The following ZNF571 variants were observed in gnomAD, a reference collection of about 807,000 sequenced individuals.
ZNF571 encodes zinc finger protein 571.
Under a neutral mutation model 7.7 loss-of-function variants are expected in ZNF571, and 4 were observed. That is an observed-to-expected ratio of 0.52 (90% confidence interval 0.25 to 1.18). The LOEUF (loss-of-function observed/expected upper bound fraction) is 1.18, where lower values mean the gene tolerates loss of function less well. Among genes scored for constraint, ZNF571 ranks in the 50% most tolerant of loss-of-function variants. The pLI is 0.14. For synonymous variants in ZNF571, 251 were observed against 232.4 expected, an observed-to-expected ratio of 1.08 and a Z score of -0.73; for missense variants, 704 against 726.9, an observed-to-expected ratio of 0.97 and a Z score of 0.36.
In ZNF571 at chr19:37,569,006, G is replaced by C. The variant is rs920941051; in HGVS notation, c.137-2715C>G. On this transcript the variant is annotated intron_variant, in intron 3 of 3. Coordinates refer to ENST00000451802, the MANE Select transcript of ZNF571 (RefSeq NM_016536.5). The surrounding 1 kb of genome is among the most constrained non-coding windows in gnomAD (Gnocchi z 4.4). ...GAGTCTCGCTCTGTCATCCAGGCTG[G>C]AGTGCAGTCGTGCCATCTCAGCTCA... 1.3e-5 allele frequency among the ~76,000 whole-genome samples: 2 copies of C among 151,924 alleles called. No homozygotes were observed. The highest frequency in any genetic ancestry group is 4.8e-5 in the African/African-American group (2 of 41,338).
chr19:37,583,103 T>C (rs1156639572), intron 3 of ZNF571, among the ~76,000 whole-genome samples: 1 of 152,202 alleles, frequency 6.6e-6, no homozygotes, highest in East Asian at 1.9e-4. Context: ...TGAAGCTCAG[T>C]TTCTCTCAGG....
Position 37,569,368 on chromosome 19 carries a change from C to T in ZNF571, c.137-3077G>A, listed in dbSNP as rs574914172. 1.3e-5 allele frequency among the ~76,000 whole-genome samples: 2 copies of T among 152,198 alleles called. No homozygotes were observed. The highest frequency in any genetic ancestry group is 4.8e-5 in the African/African-American group (2 of 41,528). On this transcript the variant is annotated intron_variant, in intron 3 of 3. Coordinates refer to ENST00000451802, the MANE Select transcript of ZNF571 (RefSeq NM_016536.5). The surrounding 1 kb of genome is among the most constrained non-coding windows in gnomAD (Gnocchi z 4.4). ...TAAATATGAAAATCACATTATGTCA[C>T]CATCTTAAGATTTTTCAATAGCCTG...
At chr19:37,583,828 T>G in intron 3 of ZNF571, 143 bp downstream of exon 3, 3 of 774,522 alleles carry the variant, frequency 3.9e-6, no homozygotes, top group Non-Finnish European at 6.2e-6. Context: ...GGATAAGAGA[T>G]AAAAAGGTAC....
Position 37,564,505 on chromosome 19 carries a change from A to G in ZNF571, c.*93T>C. ...TGTTAATGTAGGCCTTCTAAGAATG[A>G]GCAGATTCTGAGCAGAAGCAAGATG... On this transcript the variant is annotated 3_prime_UTR_variant, in exon 4 of 4. Transcript: ENST00000451802. 8.2e-7 allele frequency: 1 copy of G among 1,216,524 alleles called. No individual in the cohort carries two copies. The highest frequency in any genetic ancestry group is 1.1e-6 in the Non-Finnish European group (1 of 914,854). The allele number at this position is 1,216,524 out of a possible 1,614,324, so 75.4% of individuals were successfully genotyped here. A position where few individuals can be genotyped will look rare whatever the true frequency, so the allele number is the denominator to read the frequency against.
chr19:37,582,548 A>G (rs79715370), intron 3 of ZNF571, among the ~76,000 whole-genome samples: 3,959 of 152,294 alleles, frequency 0.026, 183 homozygotes, highest in African/African-American at 0.089. Flanking sequence ...GTTCCTCGGT[A>G]CAGAGAGTAA....
In ZNF571 at chr19:37,569,377, G is replaced by C. The variant is rs2042980001; in HGVS notation, c.137-3086C>G. Reference sequence around the variant, plus strand: ...AAATCACATTATGTCACCATCTTAAGATTTTTCAATAGCCTGCAAAAATTG... The same window carrying C: ...AAATCACATTATGTCACCATCTTAACATTTTTCAATAGCCTGCAAAAATTG... On this transcript the variant is annotated intron_variant, in intron 3 of 3. Transcript: ENST00000451802. The surrounding 1 kb of genome is among the most constrained non-coding windows in gnomAD (Gnocchi z 4.4). Among the ~76,000 whole-genome samples the C allele has an allele frequency of 6.6e-6, 1 of 152,092 alleles. No individual in the cohort carries two copies. The highest frequency in any genetic ancestry group is 1.5e-5 in the Non-Finnish European group (1 of 68,014).
chr19:37,583,811 G>A, intron 3 of ZNF571, 160 bp downstream of exon 3: 1 of 652,280 alleles, frequency 1.5e-6, no homozygotes, highest in Non-Finnish European at 2.6e-6. Context: ...AGATGTGACA[G>A]TCTAAAGGAT....
At chr19:37,590,162 T>C (rs2043824915) in intron 1 of ZNF571, among the ~76,000 whole-genome samples, 1 of 151,972 alleles carries the variant, frequency 6.6e-6, no homozygotes, top group Non-Finnish European at 1.5e-5. Flanking sequence ...ATCCCAGCAC[T>C]TCAGGAGGCC....
intron 3 of ZNF571, among the ~76,000 whole-genome samples, chr19:37,573,100 C>G (rs556719855): frequency 6.6e-6 from 1 of 152,126 alleles, no homozygotes; most frequent in African/African-American, 2.4e-5. Context: ...CACCACCACA[C>G]TAATCTTAGC....
chr19:37,588,857 A>T (rs1038668317), intron 1 of ZNF571, among the ~76,000 whole-genome samples: 5 of 152,238 alleles, frequency 3.3e-5, no homozygotes. Flanking sequence ...ACCCCATTTT[A>T]TAACACATAC....
chr19:37,565,890 G>A lies in ZNF571; in HGVS notation c.538C>T (p.Pro180Ser), dbSNP rs1289422289. 5 of 1,613,684 alleles carry A rather than the reference G, an allele frequency of 3.1e-6. No individual in the cohort carries two copies. In the African/African-American group the frequency reaches 6.7e-5, roughly 22 times the overall value. The change falls in exon 4 of 4, where the codon CCA (proline) becomes TCA (serine). Residue 180 changes from proline to serine, a missense_variant. By Grantham distance (74) the Pro-to-Ser change is moderately conservative (BLOSUM62 -1). Coordinates refer to ENST00000451802, the MANE Select transcript of ZNF571 (RefSeq NM_016536.5). Reference sequence around the variant, plus strand: ...ATTCTCTGATGTTGAATATAGCTTGGCTTTTTGCTAAAGGTATTCCTGTGT... The same window carrying A: ...ATTCTCTGATGTTGAATATAGCTTGACTTTTTGCTAAAGGTATTCCTGTGT... ...KKHRNTFSKKPSYIQHQRIQT... is the reference protein window; with the variant it reads ...KKHRNTFSKKSSYIQHQRIQT...
At chr19:37,579,049 G>A (rs946812512) in intron 3 of ZNF571, among the ~76,000 whole-genome samples, 10 of 152,188 alleles carry the variant, frequency 6.6e-5, no homozygotes, top group African/African-American at 2.4e-4. Flanking sequence ...GCCCCCACCT[G>A]AACATTTCAC....
At chr19:37,571,663 A>G (rs2043056861) in intron 3 of ZNF571, among the ~76,000 whole-genome samples, 1 of 152,234 alleles carries the variant, frequency 6.6e-6, no homozygotes, top group African/African-American at 2.4e-5. Context: ...CCAAGGGGTT[A>G]CACAGAACTA....
At position 37,565,903 on chromosome 19, in the gene ZNF571, G is replaced by C. The variant is rs1568341652; in HGVS notation, c.525C>G (p.Thr175=). 6.2e-7 allele frequency: 1 copy of C among 1,613,820 alleles called. No individual in the cohort carries two copies. Among genetic ancestry groups the C allele is most frequent in the Non-Finnish European group, 8.5e-7 (1 of 1,179,886 alleles). ...KCSEVKKHRN[T]FSKKPSYIQH... The stretch of plus-strand genomic sequence containing the variant: ...GAATATAGCTTGGCTTTTTGCTAAA[G>C]GTATTCCTGTGTTTCTTAACTTCAG... The change falls in exon 4 of 4, where the codon ACC becomes ACG. Residue 175 remains threonine, a synonymous_variant. Transcript: ENST00000451802.
At chr19:37,590,839 A>G (rs1343708287) in intron 1 of ZNF571, among the ~76,000 whole-genome samples, 2 of 152,236 alleles carry the variant, frequency 1.3e-5, no homozygotes, top group African/African-American at 4.8e-5. Flanking sequence ...AATGTAATCC[A>G]TGAACCTTAA....
At position 37,569,320 on chromosome 19, in the gene ZNF571, A is replaced by G. The variant is rs541181019; in HGVS notation, c.137-3029T>C. Among the ~76,000 whole-genome samples, 141 of 152,284 alleles carry G rather than the reference A, an allele frequency of 9.3e-4. No homozygotes were observed. The highest frequency in any genetic ancestry group is 3.2e-3 in the African/African-American group (132 of 41,560). On this transcript the variant is annotated intron_variant, in intron 3 of 3. Coordinates refer to ENST00000451802, the MANE Select transcript of ZNF571 (RefSeq NM_016536.5). This position sits in a 1 kb window ranked among gnomAD's most constrained non-coding sequence, Gnocchi z 4.4. ...TATGAGACCCTTTGTTCTAATCTCC[A>G]TCTGGCAGATAGAATGGAATAGTAA...
At chr19:37,570,802 T>G (rs1272759485) in intron 3 of ZNF571, among the ~76,000 whole-genome samples, 1 of 152,182 alleles carries the variant, frequency 6.6e-6, no homozygotes, top group Non-Finnish European at 1.5e-5. Flanking sequence ...TAGAAGGCAT[T>G]ATAGCATTCA....
Position 37,564,521 on chromosome 19 carries a change from A to T in ZNF571, c.*77T>A. 7.4e-7 allele frequency: 1 copy of T among 1,346,050 alleles called. No homozygotes were observed. The highest frequency in any genetic ancestry group is 9.8e-7 in the Non-Finnish European group (1 of 1,022,596). 83.4% of individuals were successfully genotyped at this position (1,346,050 alleles called of 1,614,324 possible). A position where few individuals can be genotyped will look rare whatever the true frequency, so the allele number is the denominator to read the frequency against. ...CTAAGAATGAGCAGATTCTGAGCAG[A>T]AGCAAGATGTTCTACATTCATTATA... On this transcript the variant is annotated 3_prime_UTR_variant, in exon 4 of 4. Transcript: ENST00000451802.
At chr19:37,579,133 T>C (rs1568352641) in intron 3 of ZNF571, among the ~76,000 whole-genome samples, 2 of 152,132 alleles carry the variant, frequency 1.3e-5, no homozygotes, top group South Asian at 2.1e-4. Flanking sequence ...ACCACCTAAG[T>C]GTTCTGTAGG....
Sources: allele counts gnomAD v4.1 joint callset (sites outside exome capture counted in the v4.1 genomes callset), GRCh38; gene constraint gnomAD v4.1.1; non-coding constraint Gnocchi (gnomAD v3.1); transcripts MANE v1.5; gene names NCBI Gene and HGNC (gene_info 2026-07-23, HGNC 2026-07-21).